Variants in CCSER1 observed in about 807,000 individuals in gnomAD.
The protein encoded by CCSER1 is serine-rich coiled-coil domain-containing protein 1.
CCSER1 carries 41 observed loss-of-function variants against 82.0 expected under a neutral mutation model. That is an observed-to-expected ratio of 0.50 (90% CI 0.39 to 0.65). The LOEUF is 0.65. Among genes scored for constraint, CCSER1 ranks in the 30% least tolerant of loss-of-function variants. The probability of loss-of-function intolerance (pLI) is 0.00; values close to 1 mark genes in which losing one functional copy is unlikely to be tolerated. For synonymous variants in CCSER1, 414 were observed against 383.9 expected (o/e 1.08, Z -0.92); for missense variants, 1,119 against 1,064.2 (o/e 1.05, Z -0.72).
At chr4:91,170,619 T>C (rs1237716589) in intron 10 of CCSER1, among the ~76,000 whole-genome samples, 1 of 152,208 alleles carries the variant, frequency 6.6e-6, no homozygotes, top group Non-Finnish European at 1.5e-5. Flanking sequence ...AAGTTTATTA[T>C]TCATGTTTTC....
At chr4:91,540,037 C>T (rs1716543091) in intron 10 of CCSER1, among the ~76,000 whole-genome samples, 1 of 152,062 alleles carries the variant, frequency 6.6e-6, no homozygotes. Flanking sequence ...TAAGAGCTTA[C>T]AAATTTCTAG....
At chr4:90,831,417 G>A (rs1761096295) in intron 8 of CCSER1, among the ~76,000 whole-genome samples, 1 of 152,028 alleles carries the variant, frequency 6.6e-6, no homozygotes, top group Non-Finnish European at 1.5e-5. Flanking sequence ...CTATTGATGA[G>A]CATTTATATA....
intron 5 of CCSER1, among the ~76,000 whole-genome samples, chr4:90,532,722 T>G (rs1579002392): frequency 6.6e-6 from 1 of 152,188 alleles, no homozygotes; most frequent in African/African-American, 2.4e-5. Context: ...CAAAATTCTT[T>G]TCTATTTCTT....
intron 10 of CCSER1, among the ~76,000 whole-genome samples, chr4:91,568,555 T>TTG (rs1234438264): frequency 6.6e-6 from 1 of 152,144 alleles, no homozygotes; most frequent in Admixed American, 6.6e-5. Context: ...ATTTTTATTT[T>TTG]TGTTTATTTT....
chr4:90,406,318 T>C (rs749222425), intron 4 of CCSER1, among the ~76,000 whole-genome samples: 1 of 152,206 alleles, frequency 6.6e-6, no homozygotes, highest in Non-Finnish European at 1.5e-5. Context: ...ATTGCAGTTC[T>C]AAATATATAT....
intron 8 of CCSER1, among the ~76,000 whole-genome samples, chr4:90,838,538 C>T (rs1260396701): frequency 6.7e-6 from 1 of 148,706 alleles, no homozygotes; most frequent in Non-Finnish European, 1.5e-5. Flanking sequence ...TTGTGCATTC[C>T]AATAATTAAA....
At chr4:91,161,144 A>G (rs985724506) in intron 10 of CCSER1, among the ~76,000 whole-genome samples, 2 of 152,186 alleles carry the variant, frequency 1.3e-5, no homozygotes, top group Non-Finnish European at 2.9e-5. Flanking sequence ...TCCCAGCACC[A>G]TTTATTAAAT....
chr4:90,944,478 A>C (rs536634688), intron 9 of CCSER1, among the ~76,000 whole-genome samples: 1 of 152,268 alleles, frequency 6.6e-6, no homozygotes, highest in African/African-American at 2.4e-5. Flanking sequence ...GGGGTGTGGA[A>C]GGCAGCTCTC....
At chr4:90,760,587 TA>T (rs1750271027) in intron 7 of CCSER1, among the ~76,000 whole-genome samples, 1 of 152,190 alleles carries the variant, frequency 6.6e-6, no homozygotes, top group African/African-American at 2.4e-5. Context: ...ATAATACTAG[TA>T]AAAAATTTCA....
At chr4:90,916,554 A>T (rs1727457121) in intron 8 of CCSER1, among the ~76,000 whole-genome samples, 1 of 152,196 alleles carries the variant, frequency 6.6e-6, no homozygotes, top group African/African-American at 2.4e-5. Flanking sequence ...CTAAAACCAT[A>T]AAAACCCTAG....
chr4:90,327,228 C>G (rs949172540), intron 3 of CCSER1, among the ~76,000 whole-genome samples: 1 of 152,162 alleles, frequency 6.6e-6, no homozygotes, highest in Non-Finnish European at 1.5e-5. Context: ...CTCAAAATAT[C>G]TGTTCTATTC....
intron 5 of CCSER1, among the ~76,000 whole-genome samples, chr4:90,481,010 G>T (rs1415281397): frequency 6.6e-6 from 1 of 152,208 alleles, no homozygotes; most frequent in African/African-American, 2.4e-5. Context: ...CTATCCATGA[G>T]TATGGAATGT....
At chr4:90,741,590 A>T (rs2149444193) in intron 7 of CCSER1, among the ~76,000 whole-genome samples, 1 of 152,318 alleles carries the variant, frequency 6.6e-6, no homozygotes, top group African/African-American at 2.4e-5. Context: ...TAAGCAACTG[A>T]TCTCATGTAT....
At chr4:90,485,107 T>A (rs968720778) in intron 5 of CCSER1, among the ~76,000 whole-genome samples, 1 of 152,156 alleles carries the variant, frequency 6.6e-6, no homozygotes, top group Admixed American at 6.5e-5. Flanking sequence ...GCTGCCACCT[T>A]GCAGTTTGAT....
rs189414978 is a variant in CCSER1, at chr4:91,185,798, A to G, written c.2217+99804A>G. Reference sequence around the variant, plus strand: ...TTCTACATTCCTTTTTAGTATGACCATGCTTCCCACAGTTAAAACAAGCTC... The same window carrying G: ...TTCTACATTCCTTTTTAGTATGACCGTGCTTCCCACAGTTAAAACAAGCTC... On this transcript the variant is annotated intron_variant, in intron 10 of 10. Transcript: ENST00000509176. 5.9e-5 allele frequency among the ~76,000 whole-genome samples: 9 copies of G among 152,218 alleles called. No individual in the cohort carries two copies. In the East Asian group the frequency reaches 1.7e-3, roughly 29 times the overall value.
intron 10 of CCSER1, among the ~76,000 whole-genome samples, chr4:91,125,808 CA>C (rs138406610): frequency 0.024 from 3,587 of 151,056 alleles, 142 homozygotes; most frequent in African/African-American, 0.08. Flanking sequence ...CAACATAAAC[CA>C]AAAAAAGTGT....
chr4:90,355,888 T>C (rs554085906), intron 3 of CCSER1, among the ~76,000 whole-genome samples: 2 of 152,074 alleles, frequency 1.3e-5, no homozygotes, highest in South Asian at 4.1e-4. Context: ...ATTGTAAATA[T>C]AAATTATCCC....
chr4:91,490,916 ATATATATATAT>A (rs1758496257), intron 10 of CCSER1, among the ~76,000 whole-genome samples: 3 of 85,694 alleles, frequency 3.5e-5, no homozygotes, highest in Non-Finnish European at 4.8e-5. Context: ...ATATATATAT[ATATATATATAT>A]AAAATATGCG....
At chr4:91,281,973 TA>T (rs1742949136) in intron 10 of CCSER1, among the ~76,000 whole-genome samples, 3 of 152,314 alleles carry the variant, frequency 2.0e-5, no homozygotes, top group South Asian at 4.1e-4. Context: ...ATAGAGCTTT[TA>T]AAAAATATTG....
Sources: gnomAD v4.1 joint callset for allele counts (sites outside exome capture counted in the v4.1 genomes callset) on GRCh38, gnomAD v4.1.1 for gene constraint, MANE v1.5 for transcripts, NCBI Gene and HGNC (gene_info 2026-07-23, HGNC 2026-07-21) for gene names.